The following BCL2L13 variants were observed in gnomAD, a reference collection of about 807,000 sequenced individuals.
BCL2L13 encodes the protein BCL2 like 13, also known as bcl-2-like protein 13.
A neutral mutation model predicts 25.8 loss-of-function variants in BCL2L13; 13 were observed. The ratio of observed to expected loss-of-function variants is 0.50; its 90% CI spans 0.33 to 0.80. The LOEUF is 0.80. BCL2L13 is among the 30% of genes least tolerant of loss of function. BCL2L13 has a pLI of 0.02. For missense variants in BCL2L13, 504 were observed against 574.9 expected (o/e 0.88, Z 1.26); for synonymous variants, 244 against 230.3 (o/e 1.06, Z -0.54).
At chr22:17,684,315 A>AAAT (rs997323920) in intron 3 of BCL2L13, among the ~76,000 whole-genome samples, 19 of 152,120 alleles carry the variant, frequency 1.2e-4, no homozygotes, top group East Asian at 9.6e-4. Context: ...TTTATTAAAT[A>AAAT]AATAATAATA....
At position 17,672,313 on chromosome 22, in the gene BCL2L13, A is replaced by G. The variant is rs887567131; in HGVS notation, c.122-10901A>G. Reference sequence around the variant, plus strand: ...AAATGTGTTTCCAGTTTGGGGAACCATAGATTTCGAAAGTATTTTGCTCTG... The same window carrying G: ...AAATGTGTTTCCAGTTTGGGGAACCGTAGATTTCGAAAGTATTTTGCTCTG... On this transcript the variant is annotated intron_variant, in intron 2 of 6. Coordinates refer to ENST00000317582, the MANE Select transcript of BCL2L13 (RefSeq NM_015367.4). Among the ~76,000 whole-genome samples the G allele has an allele frequency of 5.3e-5, 8 of 152,342 alleles. No individual in the cohort carries two copies. In the South Asian group the frequency reaches 6.2e-4, roughly 12 times the overall value.
At chr22:17,720,098 A>G (rs1470360899) in intron 6 of BCL2L13, among the ~76,000 whole-genome samples, 1 of 149,456 alleles carries the variant, frequency 6.7e-6, no homozygotes, top group African/African-American at 2.5e-5. Flanking sequence ...TGGTTGCACA[A>G]CACTATGAAT....
chr22:17,677,876 A>C (rs950123165), intron 2 of BCL2L13, among the ~76,000 whole-genome samples: 2 of 151,648 alleles, frequency 1.3e-5, no homozygotes, highest in Non-Finnish European at 2.9e-5. Context: ...TCAAAAAAAA[A>C]ACAAAAAAAC....
chr22:17,727,735 C>T lies in BCL2L13; in HGVS notation c.*201C>T, dbSNP rs1392933241. 4.4e-6 allele frequency: 3 copies of T among 688,080 alleles called. No individual in the cohort carries two copies. Among genetic ancestry groups the T allele is most frequent in the East Asian group, 5.5e-5 (2 of 36,188 alleles). The allele number at this position is 688,080 out of a possible 1,614,324, so 42.6% of individuals were successfully genotyped here. Reference sequence around the variant, plus strand: ...TTCATCTGACTGTAAATCCCAAGGGCCTCCGCTCATGCTAAATTGAGAATC... The same window carrying T: ...TTCATCTGACTGTAAATCCCAAGGGTCTCCGCTCATGCTAAATTGAGAATC... On this transcript the variant is annotated 3_prime_UTR_variant, in exon 7 of 7. Transcript: ENST00000317582.
At position 17,706,677 on chromosome 22, in the gene BCL2L13, C is replaced by G. The variant is rs555885304; in HGVS notation, c.600+4291C>G. 32 of 1,324,052 alleles carry G rather than the reference C, an allele frequency of 2.4e-5. No individual in the cohort carries two copies. In the Admixed American group the frequency reaches 5.8e-4, roughly 24 times the overall value. The allele number at this position is 1,324,052 out of a possible 1,614,324, so 82.0% of individuals were successfully genotyped here. A position where few individuals can be genotyped will look rare whatever the true frequency, so the allele number is the denominator to read the frequency against. On this transcript the variant is annotated intron_variant, in intron 6 of 6. Transcript: ENST00000317582. ...TTTGACTTTTATTTGCCCTGCAGCC[C>G]GGTGAGGGCACAGACTGGTTCATGT... is the stretch of plus-strand genomic sequence containing the variant.
At chr22:17,645,996 C>G (rs575375767) in intron 1 of BCL2L13, among the ~76,000 whole-genome samples, 5 of 151,518 alleles carry the variant, frequency 3.3e-5, no homozygotes, top group South Asian at 2.1e-4. Context: ...CTAGAAATGA[C>G]TTAAAAGTAT....
intron 1 of BCL2L13, among the ~76,000 whole-genome samples, chr22:17,632,252 C>T (rs960113968): frequency 6.6e-6 from 1 of 152,028 alleles, no homozygotes; most frequent in African/African-American, 2.4e-5. Context: ...TACTAGTGCA[C>T]AGTGTTCCTT....
intron 2 of BCL2L13, among the ~76,000 whole-genome samples, chr22:17,660,834 G>T (rs578078041): frequency 2.6e-4 from 38 of 146,096 alleles, no homozygotes; most frequent in African/African-American, 8.5e-4. Flanking sequence ...CGTCAGGTGG[G>T]AGTGCAGTGG....
intron 1 of BCL2L13, among the ~76,000 whole-genome samples, chr22:17,639,525 G>C (rs2058191673): frequency 1.3e-5 from 2 of 152,258 alleles, no homozygotes; most frequent in East Asian, 3.9e-4. Context: ...CTGAGTGGAG[G>C]CTCTAACCTA....
intron 3 of BCL2L13, among the ~76,000 whole-genome samples, chr22:17,686,491 C>T (rs558466535): frequency 6.7e-6 from 1 of 149,974 alleles, no homozygotes; most frequent in Non-Finnish European, 1.5e-5. Flanking sequence ...TAATGTTAGT[C>T]TTGTCTTTTA....
upstream of BCL2L13, among the ~76,000 whole-genome samples, chr22:17,636,004 C>T (rs556986815): frequency 3.1e-4 from 47 of 152,178 alleles, no homozygotes; most frequent in South Asian, 9.3e-3. Context: ...CCACCACGCC[C>T]GGCCTACAAA....
chr22:17,632,421 T>G (rs1348712873), intron 1 of BCL2L13, among the ~76,000 whole-genome samples: 2 of 152,178 alleles, frequency 1.3e-5, no homozygotes, highest in Admixed American at 6.6e-5. Flanking sequence ...ATTGGATTAT[T>G]TGTCTAATTT....
At chr22:17,715,137 TATATATATATATATATATATATATATATA>T (rs2060881998) in intron 6 of BCL2L13, among the ~76,000 whole-genome samples, 14 of 2,860 alleles carry the variant, frequency 4.9e-3, no homozygotes, top group African/African-American at 0.014. Context: ...TATATATATA[TATATATATATATATATATATATATATATA>T]TATATTTTTT....
chr22:17,697,156 C>T (rs540160903), intron 5 of BCL2L13, among the ~76,000 whole-genome samples: 9 of 151,290 alleles, frequency 5.9e-5, no homozygotes, highest in African/African-American at 1.7e-4. Context: ...AAAAAAATTT[C>T]GGCCGGGTGC....
At chr22:17,657,171 C>G (rs530712210) in intron 2 of BCL2L13, among the ~76,000 whole-genome samples, 2 of 152,128 alleles carry the variant, frequency 1.3e-5, no homozygotes, top group East Asian at 3.9e-4. Context: ...TTAAACACAT[C>G]TTAGTGAAAC....
chr22:17,656,335 CTTTTTTTTT>C (rs890631679), intron 2 of BCL2L13, among the ~76,000 whole-genome samples: 17 of 57,876 alleles, frequency 2.9e-4, no homozygotes, highest in South Asian at 2.0e-3. Context: ...TCATTTTATT[CTTTTTTTTT>C]TTTTTTTTTT....
At chr22:17,637,280 G>A (rs966416233), upstream of BCL2L13, among the ~76,000 whole-genome samples, 12 of 151,554 alleles carry the variant, frequency 7.9e-5, no homozygotes, top group South Asian at 1.5e-3. Context: ...GGTGGTGGGT[G>A]CCTGTAATCC....
intron 6 of BCL2L13, among the ~76,000 whole-genome samples, chr22:17,707,344 C>T (rs1281458037): frequency 2.6e-5 from 4 of 152,158 alleles, no homozygotes; most frequent in African/African-American, 7.2e-5. Flanking sequence ...ATCTGAGAGG[C>T]GCATTTGGTT....
At position 17,702,269 on chromosome 22, in the gene BCL2L13, A is replaced by G. The variant is rs1196859631; in HGVS notation, c.483A>G (p.Arg161=). The G allele has an allele frequency of 2.5e-6, 4 of 1,608,874 alleles. No individual in the cohort carries two copies. Among genetic ancestry groups the G allele is most frequent in the African/African-American group, 2.7e-5 (2 of 74,602 alleles). The part of the protein sequence containing the change: ...NKILVPLVLL[R]QMLLELTRRG... ...TTTTGGTGCCTCTGGTTTTGCTACG[A>G]CAAATGCTTTTGGAATTGACAAGAC... is the stretch of plus-strand genomic sequence containing the variant. The change falls in exon 6 of 7, where the codon CGA becomes CGG. Residue 161 remains arginine (R), a synonymous_variant. Coordinates refer to ENST00000317582, the MANE Select transcript of BCL2L13 (RefSeq NM_015367.4).
Sources: gnomAD v4.1 joint callset for allele counts (sites outside exome capture counted in the v4.1 genomes callset) on GRCh38, gnomAD v4.1.1 for gene constraint, MANE v1.5 for transcripts, NCBI Gene and HGNC (gene_info 2026-07-23, HGNC 2026-07-21) for gene names.